NOL4: variants seen among roughly 807,000 people sequenced by gnomAD.
NOL4 encodes nucleolar protein 4.
A neutral mutation model predicts 75.9 loss-of-function variants in NOL4; 17 were observed. The observed-to-expected ratio is 0.22, with a 90% CI of 0.15 to 0.34. NOL4 has a LOEUF of 0.34. Ranked by LOEUF, NOL4 falls within the 10% of genes least tolerant of loss-of-function variation. The probability of loss-of-function intolerance (pLI) is 1.00; values close to 1 mark genes in which losing one functional copy is unlikely to be tolerated. For missense variants in NOL4, 614 were observed against 793.5 expected, an observed-to-expected ratio of 0.77 and a Z score of 2.72; for synonymous variants, 292 against 289.9, an observed-to-expected ratio of 1.01 and a Z score of -0.07.
At chr18:34,068,716 G>A (rs1209896141) in intron 5 of NOL4, among the ~76,000 whole-genome samples, 1 of 152,098 alleles carries the variant, frequency 6.6e-6, no homozygotes, top group Non-Finnish European at 1.5e-5. Context: ...TTATTTCTGA[G>A]CATCCTCACA....
chr18:33,860,289 C>T (rs1421879209), intron 10 of NOL4, among the ~76,000 whole-genome samples: 4 of 152,024 alleles, frequency 2.6e-5, no homozygotes, highest in Non-Finnish European at 5.9e-5. Context: ...TCTGCCCCTA[C>T]CTCCCCCCAA....
intron 5 of NOL4, among the ~76,000 whole-genome samples, chr18:34,066,605 A>AG (rs1016552600): frequency 2.6e-5 from 4 of 151,990 alleles, no homozygotes; most frequent in Non-Finnish European, 5.9e-5. Context: ...AATCAGTACT[A>AG]AAGTATTCCA....
In NOL4 at chr18:34,105,168, G is replaced by C. The variant is rs750595831; in HGVS notation, c.415-8C>G. On this transcript the variant is annotated splice_region_variant and splice_polypyrimidine_tract_variant and intron_variant, in intron 2 of 10. Transcript: ENST00000261592. Reference sequence around the variant, plus strand: ...GGCATAGCTCTCTGAAATCTGAAATGATTCACAAAATACAGGTGTTATTAT... The same window carrying C: ...GGCATAGCTCTCTGAAATCTGAAATCATTCACAAAATACAGGTGTTATTAT... The C allele has an allele frequency of 1.3e-6, 2 of 1,560,512 alleles. No individual in the cohort carries two copies. The highest frequency in any genetic ancestry group is 2.7e-5 in the African/African-American group (2 of 73,832).
intron 1 of NOL4, among the ~76,000 whole-genome samples, chr18:34,217,756 GTGTGTATATGTA>G (rs2037010567): frequency 6.6e-6 from 1 of 151,780 alleles, no homozygotes; most frequent in South Asian, 2.1e-4. Context: ...GTGTGTATGT[GTGTGTATATGTA>G]TGTGTATATA....
At chr18:33,866,141 T>C (rs2063417962) in intron 10 of NOL4, among the ~76,000 whole-genome samples, 1 of 152,136 alleles carries the variant, frequency 6.6e-6, no homozygotes, top group Non-Finnish European at 1.5e-5. Flanking sequence ...TTAGATCTCC[T>C]TCATAATATA....
At chr18:34,173,018 T>G (rs575406081) in intron 1 of NOL4, among the ~76,000 whole-genome samples, 1 of 152,236 alleles carries the variant, frequency 6.6e-6, no homozygotes, top group South Asian at 2.1e-4. Flanking sequence ...TGATGTAGCC[T>G]GCCTTGCCTT....
intron 2 of NOL4, among the ~76,000 whole-genome samples, chr18:34,115,522 TA>T (rs1402898783): frequency 7.1e-6 from 1 of 140,714 alleles, no homozygotes; most frequent in Non-Finnish European, 1.5e-5. Flanking sequence ...GGGGAAAAGA[TA>T]AGCAACATGG....
chr18:34,030,589 A>G (rs1468106886), intron 5 of NOL4, among the ~76,000 whole-genome samples: 1 of 152,212 alleles, frequency 6.6e-6, no homozygotes, highest in Non-Finnish European at 1.5e-5. Context: ...TAGGAGAGAC[A>G]TGTGTTAATG....
At chr18:34,191,234 T>C (rs2034890595) in intron 1 of NOL4, among the ~76,000 whole-genome samples, 1 of 152,094 alleles carries the variant, frequency 6.6e-6, no homozygotes, top group African/African-American at 2.4e-5. Context: ...CGGTTGAAAA[T>C]ACTATTAAGT....
At chr18:34,107,295 C>A (rs1385581374) in intron 2 of NOL4, among the ~76,000 whole-genome samples, 12 of 151,984 alleles carry the variant, frequency 7.9e-5, no homozygotes, top group Admixed American at 5.9e-4. Context: ...ATGTAATGGT[C>A]AAAAATGTTT....
At chr18:34,018,156 G>A (rs1268133097) in intron 6 of NOL4, among the ~76,000 whole-genome samples, 1 of 152,164 alleles carries the variant, frequency 6.6e-6, no homozygotes, top group Non-Finnish European at 1.5e-5. Flanking sequence ...TTTACGTGGA[G>A]GGCAGGGAAA....
chr18:34,015,095 G>T (rs1194289311), intron 6 of NOL4, among the ~76,000 whole-genome samples: 1 of 151,976 alleles, frequency 6.6e-6, no homozygotes, highest in Non-Finnish European at 1.5e-5. Context: ...GACTACAAAA[G>T]ATTGCACAGA....
intron 5 of NOL4, among the ~76,000 whole-genome samples, chr18:34,077,643 G>C (rs1179467088): frequency 6.6e-6 from 1 of 151,994 alleles, no homozygotes; most frequent in African/African-American, 2.4e-5. Flanking sequence ...CTAATTTTAA[G>C]TGGAATTAAA....
chr18:33,891,079 A>G (rs2065065881), intron 9 of NOL4, among the ~76,000 whole-genome samples: 1 of 151,646 alleles, frequency 6.6e-6, no homozygotes, highest in African/African-American at 2.4e-5. Context: ...TTATATGATT[A>G]CACATATATT....
chr18:33,943,581 TA>T (rs1267579421), intron 8 of NOL4, among the ~76,000 whole-genome samples: 1 of 151,864 alleles, frequency 6.6e-6, no homozygotes, highest in African/African-American at 2.4e-5. Flanking sequence ...AAATAGAGTT[TA>T]AAAAACCTAA....
intron 2 of NOL4, among the ~76,000 whole-genome samples, chr18:34,115,073 A>G (rs1345927163): frequency 6.6e-6 from 1 of 152,186 alleles, no homozygotes; most frequent in East Asian, 1.9e-4. Flanking sequence ...CTGCTCTAAC[A>G]AAGAGCAGCC....
At chr18:33,870,373 G>T (rs966093295) in intron 10 of NOL4, among the ~76,000 whole-genome samples, 31 of 151,914 alleles carry the variant, frequency 2.0e-4, no homozygotes, top group African/African-American at 7.5e-4. Flanking sequence ...GGAGATGTTG[G>T]CAAAAGAGTG....
At chr18:34,071,211 A>G (rs1208832892) in intron 5 of NOL4, among the ~76,000 whole-genome samples, 7 of 152,198 alleles carry the variant, frequency 4.6e-5, no homozygotes, top group Admixed American at 2.0e-4. Context: ...TGTACCCACT[A>G]AATACGTACA....
chr18:34,146,830 A>G (rs926303339), intron 1 of NOL4, among the ~76,000 whole-genome samples: 2 of 152,094 alleles, frequency 1.3e-5, no homozygotes, highest in Non-Finnish European at 2.9e-5. Flanking sequence ...CTTTCATGAC[A>G]TTGATTCTTC....
Sources: gnomAD v4.1 joint callset for allele counts (sites outside exome capture counted in the v4.1 genomes callset) on GRCh38, gnomAD v4.1.1 for gene constraint, MANE v1.5 for transcripts, NCBI Gene and HGNC (gene_info 2026-07-23, HGNC 2026-07-21) for gene names.